Variants in RBFOX1 observed in about 807,000 individuals in gnomAD.
RBFOX1 encodes the protein RNA binding fox-1 homolog 1.
In RBFOX1, 8 loss-of-function variants were observed where a neutral mutation model predicts 57.7. That is an observed-to-expected ratio of 0.14 (90% confidence interval 0.08 to 0.25). The LOEUF (loss-of-function observed/expected upper bound fraction) is 0.25. Among genes scored for constraint, RBFOX1 ranks in the 10% least tolerant of loss-of-function variants. The pLI is 1.00. For synonymous variants in RBFOX1, 326 were observed against 222.4 expected (o/e 1.47, Z -4.15); for missense variants, 611 against 548.5 (o/e 1.11, Z -1.14).
intron 3 of RBFOX1, among the ~76,000 whole-genome samples, chr16:5,731,145 A>G (rs2052357175): frequency 1.3e-5 from 2 of 152,078 alleles, no homozygotes; most frequent in South Asian, 4.2e-4. Context: ...CACCACCACC[A>G]TTATCATTAC....
intron 3 of RBFOX1, among the ~76,000 whole-genome samples, chr16:6,692,906 C>T (rs1460372758): frequency 6.6e-6 from 1 of 151,820 alleles, no homozygotes; most frequent in Non-Finnish European, 1.5e-5. Flanking sequence ...TTATCAGCAT[C>T]ATCTTCATAG....
At chr16:6,663,708 T>C (rs12325531) in intron 3 of RBFOX1, among the ~76,000 whole-genome samples, 34,821 of 150,926 alleles carry the variant, frequency 0.23, 4,601 homozygotes, top group African/African-American at 0.32. Context: ...GTTAGGCATA[T>C]ACATTAAAAT....
At position 7,053,801 on chromosome 16, in the gene RBFOX1, C is replaced by T. The variant is rs542538053; in HGVS notation, c.27+1703C>T. 9.2e-5 allele frequency among the ~76,000 whole-genome samples: 14 copies of T among 152,242 alleles called. 1 individual carries two copies. The South Asian group carries it at 2.1e-3, about 23-fold the overall frequency. ...TTAGTCCCAAGTATGGCTCCAATAG[C>T]CCCATCTCTAACATCACGAACCAGT... On this transcript the variant is annotated intron_variant, in intron 4 of 15. Coordinates refer to ENST00000550418, the MANE Select transcript of RBFOX1 (RefSeq NM_018723.4).
At chr16:6,025,448 C>A (rs1300353231) in intron 1 of RBFOX1, among the ~76,000 whole-genome samples, 1 of 152,176 alleles carries the variant, frequency 6.6e-6, no homozygotes, top group Non-Finnish European at 1.5e-5. Flanking sequence ...TATACATTAG[C>A]CTACTTAGAT....
intron 2 of RBFOX1, among the ~76,000 whole-genome samples, chr16:6,630,611 G>A (rs2098372668): frequency 6.6e-6 from 1 of 152,174 alleles, no homozygotes; most frequent in South Asian, 2.1e-4. Flanking sequence ...CTCCTTGCTA[G>A]TAGGAATCAG....
At chr16:7,672,877 A>AAAAAAAAAAAAAAAAAAAAAAG in intron 13 of RBFOX1, among the ~76,000 whole-genome samples, 1 of 149,674 alleles carries the variant, frequency 6.7e-6, no homozygotes, top group African/African-American at 2.5e-5. Flanking sequence ...AAAAAAAAAA[A>AAAAAAAAAAAAAAAAAAAAAAG]AAAAAAAAAA....
intron 2 of RBFOX1, among the ~76,000 whole-genome samples, chr16:6,502,395 T>A (rs925239359): frequency 6.6e-6 from 1 of 152,196 alleles, no homozygotes; most frequent in African/African-American, 2.4e-5. Flanking sequence ...AAGTAAGAGC[T>A]TAGGTCTTGA....
At chr16:6,774,466 A>G (rs112772902) in intron 3 of RBFOX1, among the ~76,000 whole-genome samples, 3 of 151,874 alleles carry the variant, frequency 2.0e-5, no homozygotes, top group South Asian at 2.1e-4. Flanking sequence ...CAACAACCCA[A>G]TTACCTTTTG....
At chr16:6,669,529 TA>T (rs1303230963) in intron 3 of RBFOX1, among the ~76,000 whole-genome samples, 1 of 152,184 alleles carries the variant, frequency 6.6e-6, no homozygotes, top group African/African-American at 2.4e-5. Context: ...ATTATATGTT[TA>T]AGATATACAG....
intron 1 of RBFOX1, among the ~76,000 whole-genome samples, chr16:5,464,044 A>C (rs1430077572): frequency 1.3e-5 from 2 of 152,176 alleles, no homozygotes; most frequent in Non-Finnish European, 2.9e-5. Context: ...ATGGACCAGC[A>C]GGAGGAGGGA....
At chr16:6,895,501 G>A (rs1450412639) in intron 3 of RBFOX1, among the ~76,000 whole-genome samples, 1 of 116,346 alleles carries the variant, frequency 8.6e-6, no homozygotes, top group Non-Finnish European at 1.8e-5. Flanking sequence ...TTCCCCTATT[G>A]GATAACAAGC....
intron 3 of RBFOX1, among the ~76,000 whole-genome samples, chr16:6,790,502 T>C (rs1358184125): frequency 6.6e-6 from 1 of 152,132 alleles, no homozygotes; most frequent in Non-Finnish European, 1.5e-5. Context: ...TCGTTCTTTT[T>C]GTTTTGTTTG....
chr16:6,758,510 T>C (rs2076146996), intron 3 of RBFOX1, among the ~76,000 whole-genome samples: 2 of 152,078 alleles, frequency 1.3e-5, no homozygotes, highest in Admixed American at 1.3e-4. Flanking sequence ...GAGTCCAGCC[T>C]AGAATACATT....
intron 3 of RBFOX1, among the ~76,000 whole-genome samples, chr16:6,868,719 C>T (rs1479117062): frequency 6.6e-6 from 1 of 152,136 alleles, no homozygotes; most frequent in Non-Finnish European, 1.5e-5. Flanking sequence ...GACCCACTTG[C>T]TTTGGCCTCT....
At chr16:6,710,121 G>C (rs934600180) in intron 3 of RBFOX1, among the ~76,000 whole-genome samples, 1 of 152,232 alleles carries the variant, frequency 6.6e-6, no homozygotes, top group Middle Eastern at 3.4e-3. Flanking sequence ...AATACCATGA[G>C]TTTTGGGACT....
intron 2 of RBFOX1, chr16:6,483,297 C>G: frequency 4.3e-6 from 6 of 1,397,058 alleles, no homozygotes; most frequent in Admixed American, 2.9e-5. Flanking sequence ...GGGCTGCTCG[C>G]TCTCGCGCCC....
At chr16:6,432,403 G>A (rs2094124650) in intron 2 of RBFOX1, among the ~76,000 whole-genome samples, 1 of 152,024 alleles carries the variant, frequency 6.6e-6, no homozygotes, top group African/African-American at 2.4e-5. Context: ...CGGGCACAGT[G>A]GCTCATGCCT....
intron 3 of RBFOX1, among the ~76,000 whole-genome samples, chr16:6,680,277 T>C (rs1313936766): frequency 9.6e-5 from 12 of 124,830 alleles, no homozygotes; most frequent in East Asian, 2.3e-4. Context: ...TCTCTCTCTT[T>C]TTTTTTTTTT....
chr16:7,136,164 C>A (rs968484107), intron 4 of RBFOX1, among the ~76,000 whole-genome samples: 1 of 152,162 alleles, frequency 6.6e-6, no homozygotes, highest in Non-Finnish European at 1.5e-5. Context: ...CCTCAAGATT[C>A]GGGAGAGTTT....
Sources: allele counts gnomAD v4.1 joint callset (sites outside exome capture counted in the v4.1 genomes callset), GRCh38; gene constraint gnomAD v4.1.1; transcripts MANE v1.5; gene names NCBI Gene and HGNC (gene_info 2026-07-23, HGNC 2026-07-21).